Variants in PRTG observed in about 807,000 individuals in gnomAD.
PRTG encodes the protein immunoglobulin superfamily, DCC subclass, member 5.
PRTG carries 67 observed loss-of-function variants against 122.5 expected under a neutral mutation model. The ratio of observed to expected loss-of-function variants is 0.55; its 90% CI spans 0.45 to 0.67. The LOEUF is 0.67. Among genes scored for constraint, PRTG ranks in the 30% least tolerant of loss-of-function variants. The pLI is 0.00. For synonymous variants in PRTG, 554 were observed against 501.1 expected, an observed-to-expected ratio of 1.11 and a Z score of -1.41; for missense variants, 1,435 against 1,415.4, an observed-to-expected ratio of 1.01 and a Z score of -0.22.
intron 2 of PRTG, among the ~76,000 whole-genome samples, chr15:55,734,382 A>G (rs1343469806): frequency 1.6e-4 from 24 of 151,838 alleles, no homozygotes; most frequent in Non-Finnish European, 2.2e-4. Context: ...ACATTAAGGG[A>G]AAAAAAAGCT....
chr15:55,629,530 A>G lies in PRTG; in HGVS notation c.2624-526T>C, dbSNP rs2059215855. On this transcript the variant is annotated intron_variant, in intron 15 of 19. Transcript: ENST00000389286. ...AACATGCACACGAAAATAATGGTAT[A>G]ATGAACCCAGATTCAATAATTATAC... Among the ~76,000 whole-genome samples, 3 of 151,908 alleles carry G rather than the reference A, an allele frequency of 2.0e-5. 1 individual carries two copies. The South Asian group carries it at 6.2e-4, about 32-fold the overall frequency.
chr15:55,676,640 A>G (rs1201251810), intron 8 of PRTG, among the ~76,000 whole-genome samples: 2 of 152,160 alleles, frequency 1.3e-5, no homozygotes, highest in Non-Finnish European at 2.9e-5. Context: ...GCATAGTACG[A>G]TTTCTGACCT....
chr15:55,622,216 G>GTTTTT lies in PRTG; in HGVS notation c.3094-1454_3094-1450dup, dbSNP rs35973280. Among the ~76,000 whole-genome samples, 92 of 113,432 alleles carry GTTTTT rather than the reference G, an allele frequency of 8.1e-4. 1 individual carries two copies. Among genetic ancestry groups the GTTTTT allele is most frequent in the African/African-American group, 2.7e-3 (80 of 29,662 alleles). 74.4% of individuals were successfully genotyped at this position (113,432 alleles called of 152,430 possible). On this transcript the variant is annotated intron_variant, in intron 18 of 19. Coordinates refer to ENST00000389286, the MANE Select transcript of PRTG (RefSeq NM_173814.6). ...CAATCACAGTTACATATTAGTACTTGTTTTTTTTTTTTTTTTTTTGAGACA... is the reference window on the plus strand; with the variant it reads ...CAATCACAGTTACATATTAGTACTTGTTTTTTTTTTTTTTTTTTTTTTTTGAGACA...
At chr15:55,709,086 C>T (rs981379174) in intron 2 of PRTG, among the ~76,000 whole-genome samples, 5 of 121,428 alleles carry the variant, frequency 4.1e-5, no homozygotes, top group East Asian at 2.5e-4. Flanking sequence ...GCGGAGGTTG[C>T]GGTGAGCCAA....
intron 2 of PRTG, among the ~76,000 whole-genome samples, chr15:55,714,903 T>G (rs1447558086): frequency 6.6e-6 from 1 of 152,172 alleles, no homozygotes; most frequent in African/African-American, 2.4e-5. Flanking sequence ...TTCAGAGAGT[T>G]CTTTAACATC....
intron 15 of PRTG, among the ~76,000 whole-genome samples, chr15:55,631,409 A>T (rs1457382102): frequency 6.6e-6 from 1 of 152,218 alleles, no homozygotes; most frequent in African/African-American, 2.4e-5. Context: ...CTTTTCACTT[A>T]ATTTGTTTTA....
At chr15:55,681,871 A>C (rs2059540362) in intron 4 of PRTG, among the ~76,000 whole-genome samples, 1 of 152,196 alleles carries the variant, frequency 6.6e-6, no homozygotes, top group Non-Finnish European at 1.5e-5. Flanking sequence ...GCCAGCCCTC[A>C]GTATCTGTGG....
At chr15:55,723,456 A>G (rs1442501955) in intron 2 of PRTG, among the ~76,000 whole-genome samples, 1 of 151,884 alleles carries the variant, frequency 6.6e-6, no homozygotes, top group African/African-American at 2.4e-5. Context: ...AAGCAGACGA[A>G]CATATGCATT....
rs777494026 is a variant in PRTG, at chr15:55,740,434, T to G, written c.345A>C (p.Ala115=). The change falls in exon 2 of 20, where the codon GCA becomes GCC. Residue 115 remains alanine, a synonymous_variant. Transcript: ENST00000389286. Reference sequence around the variant, plus strand: ...TAAGAATGGCTCCATATTTGTTCATTGCCAAGCACTGATAAAATCCTTCAT... The same window carrying G: ...TAAGAATGGCTCCATATTTGTTCATGGCCAAGCACTGATAAAATCCTTCAT... ...QSDEGFYQCL[A]MNKYGAILSQ... is the part of the protein sequence containing the mutation. 1.9e-6 allele frequency: 3 copies of G among 1,613,588 alleles called. No individual in the cohort carries two copies. The highest frequency in any genetic ancestry group is 4.5e-5 in the East Asian group (2 of 44,870).
chr15:55,629,275 G>T (rs1158533189), intron 15 of PRTG, among the ~76,000 whole-genome samples: 1 of 151,604 alleles, frequency 6.6e-6, no homozygotes, highest in Non-Finnish European at 1.5e-5. Flanking sequence ...TAACATTGTA[G>T]TATGTACATT....
At chr15:55,638,441 G>T in intron 14 of PRTG, 108 bp downstream of exon 14, 1 of 691,792 alleles carries the variant, frequency 1.4e-6, no homozygotes, top group Non-Finnish European at 2.2e-6. Flanking sequence ...TATATCAAGT[G>T]GTAGGTGGCA....
intron 2 of PRTG, among the ~76,000 whole-genome samples, chr15:55,732,329 C>T (rs1167914611): frequency 3.3e-5 from 5 of 151,768 alleles, no homozygotes; most frequent in African/African-American, 1.2e-4. Context: ...GAATTACAGG[C>T]GTATGCCACC....
rs1037254065 is a variant in PRTG at position 55,618,843 on chromosome 15, T to TA, written c.*1168dup. 5.3e-5 allele frequency: 8 copies of TA among 152,162 alleles called. No individual in the cohort carries two copies. The highest frequency in any genetic ancestry group is 1.9e-4 in the African/African-American group (8 of 41,422). 9.4% of individuals were successfully genotyped at this position (152,162 alleles called of 1,614,324 possible). On this transcript the variant is annotated 3_prime_UTR_variant, in exon 20 of 20. Transcript: ENST00000389286. The stretch of plus-strand genomic sequence containing the variant: ...TGTTCCTAAACAATTTCATGAATAT[T>TA]AAAAAGGTATAAGGCAAAGAATTTC...
chr15:55,735,293 T>C (rs1280521188), intron 2 of PRTG, among the ~76,000 whole-genome samples: 4 of 152,140 alleles, frequency 2.6e-5, no homozygotes, highest in Non-Finnish European at 4.4e-5. Flanking sequence ...AAATAATCAA[T>C]TCTAACTGAG....
intron 2 of PRTG, among the ~76,000 whole-genome samples, chr15:55,709,388 TAG>T (rs71110312): frequency 1.4e-5 from 2 of 146,830 alleles, no homozygotes; most frequent in African/African-American, 2.5e-5. Flanking sequence ...TATATATATA[TAG>T]AGAGAGAGAG....
At chr15:55,634,632 G>C (rs1260428496) in intron 15 of PRTG, among the ~76,000 whole-genome samples, 1 of 151,994 alleles carries the variant, frequency 6.6e-6, no homozygotes, top group African/African-American at 2.4e-5. Context: ...CCTGAGCTCA[G>C]GAGTTCGAGA....
chr15:55,643,969 ATCC>A (rs1324185602), intron 11 of PRTG, among the ~76,000 whole-genome samples: 8 of 151,574 alleles, frequency 5.3e-5, no homozygotes, highest in African/African-American at 1.7e-4. Flanking sequence ...GGCTCAGGTA[ATCC>A]TCCTACCTTA....
chr15:55,673,035 T>C (rs1000359475), intron 10 of PRTG, among the ~76,000 whole-genome samples: 4 of 151,930 alleles, frequency 2.6e-5, no homozygotes, highest in Non-Finnish European at 5.9e-5. Context: ...CCTATAGTCC[T>C]CCTACTGAAC....
chr15:55,632,944 T>C (rs1159112429), intron 15 of PRTG, among the ~76,000 whole-genome samples: 3 of 152,318 alleles, frequency 2.0e-5, no homozygotes, highest in Non-Finnish European at 4.4e-5. Context: ...TTCCTACTAT[T>C]GGTGGTCCAA....
Sources: gnomAD v4.1 joint callset for allele counts (sites outside exome capture counted in the v4.1 genomes callset) on GRCh38, gnomAD v4.1.1 for gene constraint, MANE v1.5 for transcripts, NCBI Gene and HGNC (gene_info 2026-07-23, HGNC 2026-07-21) for gene names.